The following TMEM132D variants were observed in gnomAD, a reference collection of about 807,000 sequenced individuals.
The protein encoded by TMEM132D is mature OL transmembrane protein.
TMEM132D carries 21 observed loss-of-function variants against 62.3 expected under a neutral mutation model. The observed-to-expected ratio is 0.34, with a 90% CI of 0.24 to 0.49. The LOEUF (loss-of-function observed/expected upper bound fraction) is 0.49. Ranked by LOEUF, TMEM132D falls within the 20% of genes least tolerant of loss-of-function variation. The pLI is 0.99. For missense variants in TMEM132D, 1,346 were observed against 1,402.8 expected, an observed-to-expected ratio of 0.96 and a Z score of 0.65; for synonymous variants, 621 against 575.6, an observed-to-expected ratio of 1.08 and a Z score of -1.13.
chr12:129,526,943 C>A (rs1876063640), intron 3 of TMEM132D, among the ~76,000 whole-genome samples: 1 of 152,164 alleles, frequency 6.6e-6, no homozygotes, highest in Non-Finnish European at 1.5e-5. Context: ...CTGTGGCCAG[C>A]CTTAAGCTTC....
chr12:129,254,377 A>C (rs1220280277), intron 4 of TMEM132D, among the ~76,000 whole-genome samples: 9 of 152,234 alleles, frequency 5.9e-5, no homozygotes, highest in Non-Finnish European at 1.5e-5. Context: ...GGATTTATAA[A>C]ACGGTGTCTG....
intron 2 of TMEM132D, among the ~76,000 whole-genome samples, chr12:129,694,956 C>A (rs369387446): frequency 6.6e-6 from 1 of 152,000 alleles, no homozygotes; most frequent in Non-Finnish European, 1.5e-5. Context: ...TGCAGTGAGC[C>A]GAGACCACGC....
chr12:129,528,178 C>T (rs1316216071), intron 3 of TMEM132D, among the ~76,000 whole-genome samples: 1 of 152,136 alleles, frequency 6.6e-6, no homozygotes, highest in East Asian at 1.9e-4. Flanking sequence ...GCAAAACCTA[C>T]CAATATTATT....
At chr12:129,447,217 T>G (rs1170373212) in intron 3 of TMEM132D, among the ~76,000 whole-genome samples, 1 of 152,000 alleles carries the variant, frequency 6.6e-6, no homozygotes, top group Non-Finnish European at 1.5e-5. Context: ...CTTTATCCAA[T>G]TTTTTTTACT....
chr12:129,782,611 G>A (rs927691382), intron 1 of TMEM132D, among the ~76,000 whole-genome samples: 2 of 152,246 alleles, frequency 1.3e-5, no homozygotes, highest in Admixed American at 1.3e-4. Context: ...AGGAAGCTCA[G>A]GTGTATTCCT....
intron 2 of TMEM132D, among the ~76,000 whole-genome samples, chr12:129,609,781 G>A (rs747737534): frequency 1.1e-4 from 16 of 152,136 alleles, no homozygotes; most frequent in African/African-American, 3.4e-4. Context: ...AACGTGGAAC[G>A]GAAACCACAC....
chr12:129,430,121 C>A (rs532623989), intron 3 of TMEM132D, among the ~76,000 whole-genome samples: 1 of 152,112 alleles, frequency 6.6e-6, no homozygotes, highest in Non-Finnish European at 1.5e-5. Context: ...CTGGGTCAAA[C>A]GGTATTTCTA....
chr12:129,152,999 G>C (rs1877120441), intron 5 of TMEM132D, among the ~76,000 whole-genome samples: 1 of 152,138 alleles, frequency 6.6e-6, no homozygotes, highest in African/African-American at 2.4e-5. Context: ...ACTCTTCCGA[G>C]CTCTGGCAAC....
At chr12:129,165,779 C>CT (rs765837344) in intron 5 of TMEM132D, among the ~76,000 whole-genome samples, 8 of 152,154 alleles carry the variant, frequency 5.3e-5, no homozygotes, top group Admixed American at 2.0e-4. Context: ...CCCACAGAGC[C>CT]TTGACTCCTT....
intron 1 of TMEM132D, among the ~76,000 whole-genome samples, chr12:129,701,315 G>GC (rs1565954703): frequency 5.3e-5 from 8 of 152,184 alleles, no homozygotes; most frequent in Non-Finnish European, 1.5e-5. Flanking sequence ...GTGGACACCC[G>GC]CCCCCAGTTG....
intron 3 of TMEM132D, among the ~76,000 whole-genome samples, chr12:129,423,104 T>C (rs1287743966): frequency 1.3e-5 from 2 of 151,954 alleles, no homozygotes; most frequent in African/African-American, 2.4e-5. Flanking sequence ...TATTTCTATA[T>C]ATTTACCTGG....
intron 3 of TMEM132D, among the ~76,000 whole-genome samples, chr12:129,452,171 C>T (rs1211946922): frequency 2.0e-5 from 3 of 152,162 alleles, no homozygotes; most frequent in African/African-American, 7.2e-5. Context: ...CTTTACAGAA[C>T]AGTGAAGAGA....
At chr12:129,451,202 C>T (rs559906336) in intron 3 of TMEM132D, among the ~76,000 whole-genome samples, 1 of 152,132 alleles carries the variant, frequency 6.6e-6, no homozygotes, top group South Asian at 2.1e-4. Flanking sequence ...TGAAGCTTGG[C>T]TAAGGTAAAT....
chr12:129,707,896 C>T (rs1403368099), intron 1 of TMEM132D, among the ~76,000 whole-genome samples: 5 of 152,134 alleles, frequency 3.3e-5, no homozygotes, highest in Non-Finnish European at 7.4e-5. Context: ...AAACACCTGT[C>T]ATATAATTTC....
intron 1 of TMEM132D, among the ~76,000 whole-genome samples, chr12:129,812,194 A>G (rs573069988): frequency 5.3e-5 from 8 of 151,816 alleles, no homozygotes; most frequent in South Asian, 4.2e-4. Context: ...TGTCATCACC[A>G]TCAGCTCCAG....
intron 1 of TMEM132D, among the ~76,000 whole-genome samples, chr12:129,812,481 C>A (rs1872216098): frequency 6.6e-6 from 1 of 151,754 alleles, no homozygotes; most frequent in Admixed American, 6.6e-5. Flanking sequence ...TCATCTTTGG[C>A]AAACTTCTCT....
chr12:129,625,772 T>A (rs980635004), intron 2 of TMEM132D, among the ~76,000 whole-genome samples: 1 of 152,228 alleles, frequency 6.6e-6, no homozygotes, highest in African/African-American at 2.4e-5. Flanking sequence ...TGTCACTTTA[T>A]ACTTGTAGGA....
intron 5 of TMEM132D, among the ~76,000 whole-genome samples, chr12:129,146,424 A>G (rs1206629855): frequency 6.6e-6 from 1 of 152,162 alleles, no homozygotes; most frequent in Non-Finnish European, 1.5e-5. Flanking sequence ...TGTAATTTCA[A>G]TTGTCAGATC....
chr12:129,431,519 C>G (rs2135716337), intron 3 of TMEM132D, among the ~76,000 whole-genome samples: 1 of 152,156 alleles, frequency 6.6e-6, no homozygotes, highest in East Asian at 1.9e-4. Flanking sequence ...GGCTCTACTT[C>G]ACAAAAGTAG....
Sources: allele counts gnomAD v4.1 joint callset (sites outside exome capture counted in the v4.1 genomes callset), GRCh38; gene constraint gnomAD v4.1.1; transcripts MANE v1.5; gene names NCBI Gene and HGNC (gene_info 2026-07-23, HGNC 2026-07-21).